Variants in AFF3 observed in about 807,000 individuals in gnomAD.
AFF3 encodes ALF transcription elongation factor 3, also known as AF4/FMR2 family member 3.
Under a neutral mutation model 129.7 loss-of-function variants are expected in AFF3, and 32 were observed. The ratio of observed to expected loss-of-function variants is 0.25; its 90% CI spans 0.19 to 0.33. The LOEUF (loss-of-function observed/expected upper bound fraction) is 0.33. Among genes scored for constraint, AFF3 ranks in the 10% least tolerant of loss-of-function variants. The pLI, the probability that AFF3 is intolerant of heterozygous loss-of-function variation, is 1.00. For synonymous variants in AFF3, 644 were observed against 635.4 expected (o/e 1.01, Z -0.20); for missense variants, 1,373 against 1,592.0 (o/e 0.86, Z 2.34).
At chr2:99,760,314 G>A (rs1041560300) in intron 8 of AFF3, among the ~76,000 whole-genome samples, 5 of 152,150 alleles carry the variant, frequency 3.3e-5, no homozygotes, top group Non-Finnish European at 7.3e-5. Flanking sequence ...GATATTTAAA[G>A]AGATTATTAT....
At chr2:99,920,745 A>G (rs1203604372) in intron 7 of AFF3, among the ~76,000 whole-genome samples, 1 of 152,058 alleles carries the variant, frequency 6.6e-6, no homozygotes, top group Non-Finnish European at 1.5e-5. Context: ...GGAAAGGAAG[A>G]AGTGAAACTC....
intron 15 of AFF3, among the ~76,000 whole-genome samples, chr2:99,592,938 C>G (rs374010363): frequency 1.3e-4 from 12 of 89,208 alleles, no homozygotes; most frequent in Non-Finnish European, 2.4e-4. Flanking sequence ...TCCCTCCCCC[C>G]CCCCCAAAAA....
chr2:99,929,606 CA>C (rs1457850292), intron 7 of AFF3, among the ~76,000 whole-genome samples: 3 of 152,186 alleles, frequency 2.0e-5, no homozygotes, highest in Non-Finnish European at 2.9e-5. Flanking sequence ...TTATTCAACA[CA>C]TATCTTTTTA....
At chr2:99,909,493 A>T (rs992159416) in intron 7 of AFF3, among the ~76,000 whole-genome samples, 8 of 151,976 alleles carry the variant, frequency 5.3e-5, no homozygotes, top group African/African-American at 1.7e-4. Flanking sequence ...ATTAGGAGAT[A>T]TACCTAATGC....
At position 99,988,173 on chromosome 2, in the gene AFF3, G is replaced by A. The variant is rs1312020895; in HGVS notation, c.873+18459C>T. The stretch of plus-strand genomic sequence containing the variant: ...GTAGACAACAGAGAAGCCAGGGAGT[G>A]AAGGCAGGGGGAGAAGTGCTATGAA... On this transcript the variant is annotated intron_variant, in intron 7 of 24. Coordinates refer to ENST00000672756, the MANE Select transcript of AFF3 (RefSeq NM_001386135.1). 3.3e-5 allele frequency among the ~76,000 whole-genome samples: 5 copies of A among 152,298 alleles called. No homozygotes were observed. The East Asian group carries it at 9.7e-4, about 29-fold the overall frequency.
chr2:99,896,953 T>C (rs990819926), intron 7 of AFF3, among the ~76,000 whole-genome samples: 17 of 152,250 alleles, frequency 1.1e-4, no homozygotes, highest in African/African-American at 4.1e-4. Flanking sequence ...TCTTATTTCA[T>C]AGTTCTCTCT....
intron 4 of AFF3, among the ~76,000 whole-genome samples, chr2:100,037,789 TATATA>T (rs1685087322): frequency 7.4e-6 from 1 of 135,642 alleles, no homozygotes; most frequent in South Asian, 2.1e-4. Flanking sequence ...TTTTATATAT[TATATA>T]AAAATATATA....
chr2:99,891,510 C>T (rs566720911), intron 7 of AFF3, among the ~76,000 whole-genome samples: 1 of 152,162 alleles, frequency 6.6e-6, no homozygotes, highest in African/African-American at 2.4e-5. Flanking sequence ...CAGAGTCTGC[C>T]CAGCCCGGCA....
intron 4 of AFF3, among the ~76,000 whole-genome samples, chr2:100,049,338 G>A (rs568182080): frequency 5.9e-5 from 9 of 152,248 alleles, no homozygotes; most frequent in Non-Finnish European, 1.2e-4. Context: ...GGGACATTCC[G>A]CAAGACCTAG....
At chr2:100,047,238 T>C (rs930692424) in intron 4 of AFF3, among the ~76,000 whole-genome samples, 1 of 152,210 alleles carries the variant, frequency 6.6e-6, no homozygotes, top group African/African-American at 2.4e-5. Flanking sequence ...CAAGTCAATT[T>C]TCCTTTAACA....
chr2:99,951,315 A>G (rs1209589266), intron 7 of AFF3, among the ~76,000 whole-genome samples: 1 of 152,110 alleles, frequency 6.6e-6, no homozygotes, highest in Non-Finnish European at 1.5e-5. Context: ...CTCCTATGCC[A>G]TCATCCACTC....
intron 7 of AFF3, among the ~76,000 whole-genome samples, chr2:99,866,783 C>T (rs1319873231): frequency 1.3e-5 from 2 of 151,846 alleles, no homozygotes; most frequent in Non-Finnish European, 2.9e-5. Flanking sequence ...TCGAGACCAG[C>T]CTGGCCAACA....
intron 7 of AFF3, among the ~76,000 whole-genome samples, chr2:99,933,699 T>C (rs1299800693): frequency 6.6e-6 from 1 of 152,200 alleles, no homozygotes; most frequent in African/African-American, 2.4e-5. Flanking sequence ...GGCTGCATAG[T>C]ATTCCATGGT....
chr2:99,586,457 T>C (rs922487871), intron 16 of AFF3, among the ~76,000 whole-genome samples: 14 of 152,270 alleles, frequency 9.2e-5, no homozygotes, highest in African/African-American at 2.9e-4. Context: ...CATTCATCTC[T>C]CTTCAAAATT....
At chr2:99,802,658 G>A (rs952707553) in intron 8 of AFF3, among the ~76,000 whole-genome samples, 1 of 149,138 alleles carries the variant, frequency 6.7e-6, no homozygotes, top group African/African-American at 2.5e-5. Flanking sequence ...GTGAGACTCT[G>A]TCTCTAAAAA....
At position 100,094,461 on chromosome 2, in the gene AFF3, A is replaced by G. The variant is rs2699623; in HGVS notation, c.53+9941T>C. Reference sequence around the variant, plus strand: ...CATGCTTCTGTGAGAATATAATGCCAGTGCTAATCTGACGGGAGGCGGAGA... The same window carrying G: ...CATGCTTCTGTGAGAATATAATGCCGGTGCTAATCTGACGGGAGGCGGAGA... On this transcript the variant is annotated intron_variant, in intron 4 of 24. Coordinates refer to ENST00000672756, the MANE Select transcript of AFF3 (RefSeq NM_001386135.1). Among the ~76,000 whole-genome samples, 509 of 151,698 alleles carry G rather than the reference A, an allele frequency of 3.4e-3. 3 individuals are homozygous for G. The highest frequency in any genetic ancestry group is 0.012 in the African/African-American group (480 of 41,432).
intron 13 of AFF3, among the ~76,000 whole-genome samples, chr2:99,636,756 G>A (rs1454188576): frequency 6.6e-6 from 1 of 152,168 alleles, no homozygotes; most frequent in Non-Finnish European, 1.5e-5. Flanking sequence ...CACAGGAAAG[G>A]GAGTTGGACG....
intron 12 of AFF3, among the ~76,000 whole-genome samples, chr2:99,656,663 T>G (rs1482608113): frequency 6.6e-6 from 1 of 152,276 alleles, no homozygotes. Flanking sequence ...TGAACTTTTA[T>G]GCCATTGTTT....
At chr2:99,905,256 C>T (rs759139219) in intron 7 of AFF3, among the ~76,000 whole-genome samples, 6 of 152,196 alleles carry the variant, frequency 3.9e-5, no homozygotes, top group Non-Finnish European at 8.8e-5. Flanking sequence ...CAGAGTTGCC[C>T]TGGAGATGCC....
Sources: allele counts gnomAD v4.1 joint callset (sites outside exome capture counted in the v4.1 genomes callset), GRCh38; gene constraint gnomAD v4.1.1; transcripts MANE v1.5; gene names NCBI Gene and HGNC (gene_info 2026-07-23, HGNC 2026-07-21).